ZFHX3: variants seen among roughly 807,000 people sequenced by gnomAD.
ZFHX3 encodes the protein zinc finger homeobox protein 3.
Under a neutral mutation model 279.1 loss-of-function variants are expected in ZFHX3, and 42 were observed. The ratio of observed to expected loss-of-function variants is 0.15; its 90% confidence interval spans 0.12 to 0.19. ZFHX3 has a LOEUF of 0.19. Ranked by LOEUF, ZFHX3 falls within the 10% of genes least tolerant of loss-of-function variation. The probability of loss-of-function intolerance (pLI) is 1.00; values close to 1 mark genes in which losing one functional copy is unlikely to be tolerated. For synonymous variants in ZFHX3, 2,293 were observed against 1,957.8 expected, an observed-to-expected ratio of 1.17 and a Z score of -4.52; for missense variants, 4,981 against 4,754.0, an observed-to-expected ratio of 1.05 and a Z score of -1.40.
rs1390913954 is a variant in ZFHX3 at position 73,683,001 on chromosome 16, AAGAAAGAAAG to A, written c.-1607-2771_-1607-2762del. ...AAGAAAGAAAGAAAGAAAAGAAAGA[AAGAAAGAAAG>A]AGAAAGGAGGGAGGGAGGGAGAAGG... On this transcript the variant is annotated intron_variant, in intron 1 of 17. Transcript: ENST00000641206. Among the ~76,000 whole-genome samples, 675 of 85,660 alleles carry A rather than the reference AAGAAAGAAAG, an allele frequency of 7.9e-3. 41 individuals are homozygous for A. The highest frequency in any genetic ancestry group is 0.011 in the Middle Eastern group (1 of 90). The allele number at this position is 85,660 out of a possible 152,430, so 56.2% of individuals were successfully genotyped here. A position where few individuals can be genotyped will look rare whatever the true frequency, so the allele number is the denominator to read the frequency against.
intron 3 of ZFHX3, among the ~76,000 whole-genome samples, chr16:73,349,231 A>T (rs2016178603): frequency 6.6e-6 from 1 of 152,304 alleles, no homozygotes; most frequent in Middle Eastern, 3.4e-3. Context: ...AAGGCTTGGA[A>T]GGCAACAATC....
chr16:73,693,532 T>C (rs571896854), intron 1 of ZFHX3, among the ~76,000 whole-genome samples: 21 of 151,712 alleles, frequency 1.4e-4, no homozygotes, highest in South Asian at 1.3e-3. Context: ...AGTGAGAATA[T>C]AGACCAATCT....
At chr16:73,343,553 C>T (rs1451481521) in intron 3 of ZFHX3, among the ~76,000 whole-genome samples, 1 of 152,098 alleles carries the variant, frequency 6.6e-6, no homozygotes, top group African/African-American at 2.4e-5. Flanking sequence ...GGCAAGACCC[C>T]ATCTCTCTAA....
chr16:73,247,106 GTGTC>G (rs974409579), intron 5 of ZFHX3, among the ~76,000 whole-genome samples: 11 of 152,052 alleles, frequency 7.2e-5, no homozygotes, highest in Admixed American at 2.6e-4. Flanking sequence ...CATATATAAT[GTGTC>G]TGTCTATGTG....
intron 4 of ZFHX3, among the ~76,000 whole-genome samples, chr16:73,290,015 C>CCACACACACACACACA (rs10564390): frequency 6.9e-6 from 1 of 144,314 alleles, no homozygotes; most frequent in Non-Finnish European, 1.5e-5. Context: ...AGAGAAATAA[C>CCACACACACACACACA]CACACACACA....
chr16:73,093,528 G>C (rs577081342), exon 8 of ZFHX3: 29 of 507,010 alleles, frequency 5.7e-5, no homozygotes, highest in South Asian at 4.2e-4. Flanking sequence ...GTCCACTCTC[G>C]GGCTGTCACA....
At chr16:73,566,781 C>T (rs2020457175) in intron 2 of ZFHX3, among the ~76,000 whole-genome samples, 1 of 151,564 alleles carries the variant, frequency 6.6e-6, no homozygotes, top group Admixed American at 6.6e-5. Flanking sequence ...TCACTGCAAC[C>T]TCTGCCTCCC....
intron 1 of ZFHX3, among the ~76,000 whole-genome samples, chr16:72,988,890 G>T (rs1962955748): frequency 6.6e-6 from 1 of 152,154 alleles, no homozygotes. Flanking sequence ...ATAAACTACG[G>T]TACTGGCTAG....
intron 2 of ZFHX3, among the ~76,000 whole-genome samples, chr16:73,574,844 C>G (rs925824574): frequency 6.6e-6 from 1 of 152,174 alleles, no homozygotes; most frequent in African/African-American, 2.4e-5. Context: ...TCATGCAGGA[C>G]AGTTCCCTCT....
chr16:73,757,443 T>A (rs915643119), intron 1 of ZFHX3, among the ~76,000 whole-genome samples: 3 of 152,228 alleles, frequency 2.0e-5, no homozygotes, highest in Admixed American at 1.3e-4. Context: ...TTACTCTTTT[T>A]CTACAATTCA....
At chr16:73,341,292 G>C (rs1485517809) in intron 3 of ZFHX3, among the ~76,000 whole-genome samples, 1 of 152,108 alleles carries the variant, frequency 6.6e-6, no homozygotes, top group East Asian at 1.9e-4. Flanking sequence ...AGTGAGCTGA[G>C]GTCGCAACAC....
chr16:73,343,837 T>C (rs1237183369), intron 3 of ZFHX3, among the ~76,000 whole-genome samples: 1 of 152,176 alleles, frequency 6.6e-6, no homozygotes, highest in East Asian at 1.9e-4. Flanking sequence ...CCTTGAATAA[T>C]CCATCAGAAT....
intron 3 of ZFHX3, among the ~76,000 whole-genome samples, chr16:73,350,901 A>G (rs1387910534): frequency 6.6e-6 from 1 of 152,188 alleles, no homozygotes; most frequent in Non-Finnish European, 1.5e-5. Flanking sequence ...TGCTTCCTGG[A>G]AAGTGTATCA....
intron 5 of ZFHX3, among the ~76,000 whole-genome samples, chr16:73,161,098 G>A (rs550766842): frequency 3.9e-5 from 6 of 152,008 alleles, no homozygotes; most frequent in Non-Finnish European, 7.4e-5. Flanking sequence ...TCAGCCTCCC[G>A]AGTAGCTGGG....
intron 1 of ZFHX3, among the ~76,000 whole-genome samples, chr16:73,866,021 G>C (rs567107220): frequency 6.5e-4 from 99 of 151,904 alleles, no homozygotes; most frequent in African/African-American, 2.1e-3. Flanking sequence ...AACAAAACAT[G>C]CTACTGCCCT....
At chr16:73,177,495 A>G (rs1162749929) in intron 5 of ZFHX3, among the ~76,000 whole-genome samples, 1 of 152,258 alleles carries the variant, frequency 6.6e-6, no homozygotes, top group Non-Finnish European at 1.5e-5. Context: ...TTATGTGCAC[A>G]GCATTGTGAG....
chr16:72,894,539 G>A lies in ZFHX3; in HGVS notation c.3217-4577C>T, dbSNP rs555009239. Reference sequence around the variant, plus strand: ...AAAGCAGTGGTAGGGAGTGTGCTAAGAGGCCCATGAGCACTCCACGGGGCC... The same window carrying A: ...AAAGCAGTGGTAGGGAGTGTGCTAAAAGGCCCATGAGCACTCCACGGGGCC... On this transcript the variant is annotated intron_variant, in intron 3 of 9. Coordinates refer to ENST00000268489, the MANE Select transcript of ZFHX3 (RefSeq NM_006885.4). Among the ~76,000 whole-genome samples the A allele has an allele frequency of 9.8e-4, 149 of 152,270 alleles. 1 individual carries two copies. Among genetic ancestry groups the A allele is most frequent in the Non-Finnish European group, 1.7e-3 (117 of 68,022 alleles).
At chr16:73,788,472 A>C (rs1597116148) in intron 1 of ZFHX3, among the ~76,000 whole-genome samples, 1 of 152,266 alleles carries the variant, frequency 6.6e-6, no homozygotes, top group East Asian at 1.9e-4. Context: ...TTATTATACA[A>C]AGTGACTTCA....
At chr16:73,076,641 A>G (rs1356625195) in intron 8 of ZFHX3, among the ~76,000 whole-genome samples, 3 of 152,212 alleles carry the variant, frequency 2.0e-5, no homozygotes, top group African/African-American at 7.2e-5. Context: ...TAGAATTTCC[A>G]GAAGTATCTT....
Sources: gnomAD v4.1 joint callset for allele counts (sites outside exome capture counted in the v4.1 genomes callset) on GRCh38, gnomAD v4.1.1 for gene constraint, MANE v1.5 for transcripts, NCBI Gene and HGNC (gene_info 2026-07-23, HGNC 2026-07-21) for gene names.